The following HTR5A variants were observed in gnomAD, a reference collection of about 807,000 sequenced individuals.
HTR5A encodes 5-HT-5.
HTR5A carries 21 observed loss-of-function variants against 24.3 expected under a neutral mutation model. That is an observed-to-expected ratio of 0.86 (90% CI 0.61 to 1.24). The LOEUF (loss-of-function observed/expected upper bound fraction) is 1.24, where lower values mean the gene tolerates loss of function less well. Among genes scored for constraint, HTR5A ranks in the 50% most tolerant of loss-of-function variants. The pLI is 0.00. For missense variants in HTR5A, 497 were observed against 489.5 expected, an observed-to-expected ratio of 1.02 and a Z score of -0.15; for synonymous variants, 260 against 213.7, an observed-to-expected ratio of 1.22 and a Z score of -1.89.
intron 1 of HTR5A, among the ~76,000 whole-genome samples, chr7:155,076,053 C>T (rs568485590): frequency 1.3e-5 from 2 of 152,320 alleles, no homozygotes; most frequent in Non-Finnish European, 2.9e-5. Flanking sequence ...AGACACTTAA[C>T]GTCAGCATAG....
In HTR5A at chr7:155,070,674, C is replaced by T. The variant is rs1360888395; in HGVS notation, c.-226C>T. 5.2e-6 allele frequency: 3 copies of T among 572,284 alleles called. No homozygotes were observed. The highest frequency in any genetic ancestry group is 3.1e-6 in the Non-Finnish European group (1 of 322,268). The allele number at this position is 572,284 out of a possible 1,614,324, so 35.5% of individuals were successfully genotyped here. A position where few individuals can be genotyped will look rare whatever the true frequency, so the allele number is the denominator to read the frequency against. On this transcript the variant is annotated 5_prime_UTR_variant, in exon 1 of 2. Transcript: ENST00000287907. The stretch of plus-strand genomic sequence containing the variant: ...TGCGACACGCAGCCCCTCGCCTCTG[C>T]TTCCTTAGCCTCTGAGGGCTTCAGA...
chr7:155,071,405 C>T lies in HTR5A; in HGVS notation c.506C>T (p.Ser169Phe). 1 of 1,614,202 alleles carries T rather than the reference C, an allele frequency of 6.2e-7. No individual in the cohort carries two copies. The highest frequency in any genetic ancestry group is 8.5e-7 in the Non-Finnish European group (1 of 1,180,048). ...NVMIALTWAL[S>F]AVISLAPLLF... Reference sequence around the variant, plus strand: ...ATGATCGCGCTCACCTGGGCACTCTCCGCTGTCATCTCTCTGGCCCCGCTG... The same window carrying T: ...ATGATCGCGCTCACCTGGGCACTCTTCGCTGTCATCTCTCTGGCCCCGCTG... Residue 169 changes from serine (S) to phenylalanine (F), a missense_variant, in exon 1 of 2, where the codon TCC (serine) becomes TTC (phenylalanine). Physicochemically the swap from Ser to Phe is radical, Grantham distance 155. Transcript: ENST00000287907.
chr7:155,083,638 G>A (rs1217198550), intron 1 of HTR5A, among the ~76,000 whole-genome samples: 1 of 152,222 alleles, frequency 6.6e-6, no homozygotes, highest in Non-Finnish European at 1.5e-5. Flanking sequence ...AGGTGTCCTT[G>A]TTACTGGACC....
chr7:155,076,123 G>A (rs989680535), intron 1 of HTR5A, among the ~76,000 whole-genome samples: 2 of 152,192 alleles, frequency 1.3e-5, no homozygotes, highest in South Asian at 2.1e-4. Flanking sequence ...CTGTAGGTAC[G>A]TTATCTGTAA....
rs193920930 is a variant in HTR5A, at chr7:155,070,978, G to C, written c.79G>C (p.Asp27His). Residue 27 changes from aspartate (D) to histidine (H), a missense_variant, in exon 1 of 2, where the codon GAC (aspartate) becomes CAC (histidine). Asp to His is a moderately conservative substitution (Grantham distance 81, BLOSUM62 -1). Transcript: ENST00000287907. ...PLETNHSLGK[D>H]DLRPSSPLLS... Reference sequence around the variant, plus strand: ...GGAGACCAACCACAGCCTCGGCAAAGACGACCTGCGCCCCAGCTCGCCCCT... The same window carrying C: ...GGAGACCAACCACAGCCTCGGCAAACACGACCTGCGCCCCAGCTCGCCCCT... 30 of 1,611,516 alleles carry C rather than the reference G, an allele frequency of 1.9e-5. No homozygotes were observed. Among genetic ancestry groups the C allele is most frequent in the Non-Finnish European group, 2.5e-5 (29 of 1,180,004 alleles).
At position 155,086,228 on chromosome 7, in the gene HTR5A, A is replaced by G. The variant is rs1022684778; in HGVS notation, c.*1741A>G. On this transcript the variant is annotated 3_prime_UTR_variant, in exon 2 of 2. Coordinates refer to ENST00000287907, the MANE Select transcript of HTR5A (RefSeq NM_024012.4). ...AAGTGTTTGAAAAACCTTATTAAGT[A>G]CCCCATGGCAGAGAAGAAAAATTCA... Among the ~76,000 whole-genome samples, 8 of 152,328 alleles carry G rather than the reference A, an allele frequency of 5.3e-5. No individual in the cohort carries two copies. The highest frequency in any genetic ancestry group is 1.7e-4 in the African/African-American group (7 of 41,588).
Position 155,071,283 on chromosome 7 carries a change from C to CG in HTR5A, c.384_385insG (p.Ile129AspfsTer59). 6.2e-7 allele frequency: 1 copy of CG among 1,608,624 alleles called. No homozygotes were observed. Among genetic ancestry groups the CG allele is most frequent in the South Asian group, 1.1e-5 (1 of 91,070 alleles). ...GCGACGTGCTTTGCTGCACGGCCAG[C>CG]ATCTGGAACGTGACGGCCATAGCCC... On this transcript the variant is annotated frameshift_variant, in exon 1 of 2. Transcript: ENST00000287907. LOFTEE classifies it high-confidence loss of function.
Position 155,086,631 on chromosome 7 carries a change from C to T in HTR5A, c.*2144C>T, listed in dbSNP as rs997881405. Among the ~76,000 whole-genome samples the T allele has an allele frequency of 2.0e-5, 3 of 152,146 alleles. No homozygotes were observed. Among genetic ancestry groups the T allele is most frequent in the African/African-American group, 7.2e-5 (3 of 41,424 alleles). On this transcript the variant is annotated 3_prime_UTR_variant, in exon 2 of 2. Transcript: ENST00000287907. ...ATTATACATTATATACAACATACTCCACATACACTATCTAGAGCAAGAAAC... is the reference window on the plus strand; with the variant it reads ...ATTATACATTATATACAACATACTCTACATACACTATCTAGAGCAAGAAAC...
At chr7:155,073,172 T>A (rs1374578454) in intron 1 of HTR5A, among the ~76,000 whole-genome samples, 4 of 151,774 alleles carry the variant, frequency 2.6e-5, no homozygotes, top group African/African-American at 4.8e-5. Flanking sequence ...TACAAAAAAA[T>A]TAGCCAGGCG....
At chr7:155,077,470 T>G (rs1563421074) in intron 1 of HTR5A, among the ~76,000 whole-genome samples, 1 of 141,400 alleles carries the variant, frequency 7.1e-6, no homozygotes, top group South Asian at 2.1e-4. Context: ...TTTTTTGTTT[T>G]TTTTTTTTTT....
intron 1 of HTR5A, among the ~76,000 whole-genome samples, chr7:155,071,925 C>G (rs1563418509): frequency 6.6e-6 from 1 of 152,128 alleles, no homozygotes; most frequent in South Asian, 2.1e-4. Flanking sequence ...TCCCCTTTGG[C>G]CCCCAAATTC....
In HTR5A at chr7:155,070,802, G is replaced by A; in HGVS notation, c.-98G>A. 2.3e-6 allele frequency: 3 copies of A among 1,291,564 alleles called. No individual in the cohort carries two copies. Among genetic ancestry groups the A allele is most frequent in the Non-Finnish European group, 3.2e-6 (3 of 939,310 alleles). The allele number at this position is 1,291,564 out of a possible 1,614,324, so 80.0% of individuals were successfully genotyped here. ...CCAGAAACTCCCCCACTGGCCAGAGGTTGCAAACATCCGGATTGGCTCTGG... is the reference window on the plus strand; with the variant it reads ...CCAGAAACTCCCCCACTGGCCAGAGATTGCAAACATCCGGATTGGCTCTGG... On this transcript the variant is annotated 5_prime_UTR_variant, in exon 1 of 2. Coordinates refer to ENST00000287907, the MANE Select transcript of HTR5A (RefSeq NM_024012.4).
At chr7:155,074,759 G>T (rs1795342618) in intron 1 of HTR5A, 1 of 152,078 alleles carries the variant, frequency 6.6e-6, no homozygotes. Context: ...TGATACTGAA[G>T]CTATTCATAT....
At position 155,070,710 on chromosome 7, in the gene HTR5A, T is replaced by C; in HGVS notation, c.-190T>C. The C allele has an allele frequency of 1.5e-6, 1 of 646,744 alleles. No individual in the cohort carries two copies. The highest frequency in any genetic ancestry group is 1.9e-5 in the South Asian group (1 of 51,878). 40.1% of individuals were successfully genotyped at this position (646,744 alleles called of 1,614,324 possible). ...TCTGAGGGCTTCAGACCTGCCGCGC[T>C]TGCAGCCACACCATCTCCAACGGAT... On this transcript the variant is annotated 5_prime_UTR_variant, in exon 1 of 2. Transcript: ENST00000287907.
At chr7:155,082,159 T>C (rs1166900683) in intron 1 of HTR5A, among the ~76,000 whole-genome samples, 1 of 151,920 alleles carries the variant, frequency 6.6e-6, no homozygotes, top group Non-Finnish European at 1.5e-5. Context: ...GCATCCACAG[T>C]GTGAACGACA....
At chr7:155,072,586 T>C (rs1485327436) in intron 1 of HTR5A, among the ~76,000 whole-genome samples, 2 of 152,160 alleles carry the variant, frequency 1.3e-5, no homozygotes, top group Non-Finnish European at 2.9e-5. Context: ...CCAAGGAAGA[T>C]TCCTTGAATC....
At position 155,070,557 on chromosome 7, in the gene HTR5A, C is replaced by T. The variant is rs936788702; in HGVS notation, c.-343C>T. 2.6e-6 allele frequency: 1 copy of T among 383,204 alleles called. No homozygotes were observed. The highest frequency in any genetic ancestry group is 4.9e-6 in the Non-Finnish European group (1 of 202,826). The allele number at this position is 383,204 out of a possible 1,614,324, so 23.7% of individuals were successfully genotyped here. A position where few individuals can be genotyped will look rare whatever the true frequency, so the allele number is the denominator to read the frequency against. ...CGCTGCTGGCCGCCCAGCTTCTCCC[C>T]GATCTGGGAGATGCTCGGCTCTGGG... On this transcript the variant is annotated 5_prime_UTR_variant, in exon 1 of 2. Coordinates refer to ENST00000287907, the MANE Select transcript of HTR5A (RefSeq NM_024012.4).
chr7:155,086,358 T>C lies in HTR5A; in HGVS notation c.*1871T>C, dbSNP rs1390623312. On this transcript the variant is annotated 3_prime_UTR_variant, in exon 2 of 2. Transcript: ENST00000287907. The stretch of plus-strand genomic sequence containing the variant: ...ACTTTTAATCCATAAATCGTGAGTG[T>C]CTTACTGTTTAAAAAAGTTCATACT... 6.6e-6 allele frequency among the ~76,000 whole-genome samples: 1 copy of C among 152,232 alleles called. No homozygotes were observed. Among genetic ancestry groups the C allele is most frequent in the Admixed American group, 6.5e-5 (1 of 15,282 alleles).
chr7:155,071,184 G>T lies in HTR5A; in HGVS notation c.285G>T (p.Pro95=), dbSNP rs778138589. ...SDVLVAALVM[P]LSLVHELSGR... The stretch of plus-strand genomic sequence containing the variant: ...TCCTGGTGGCCGCGCTGGTCATGCC[G>T]CTGAGCCTGGTGCACGAGCTGTCCG... The change falls in exon 1 of 2, where the codon CCG becomes CCT. Residue 95 remains proline, a synonymous_variant. Transcript: ENST00000287907. 1.2e-6 allele frequency: 2 copies of T among 1,602,688 alleles called. No individual in the cohort carries two copies. The highest frequency in any genetic ancestry group is 2.2e-5 in the East Asian group (1 of 44,858).
Sources: gnomAD v4.1 joint callset for allele counts (sites outside exome capture counted in the v4.1 genomes callset) on GRCh38, gnomAD v4.1.1 for gene constraint, MANE v1.5 for transcripts, NCBI Gene and HGNC (gene_info 2026-07-23, HGNC 2026-07-21) for gene names.